The following CDH18 variants were observed in gnomAD, a reference collection of about 807,000 sequenced individuals.
CDH18 encodes cadherin 18, also known as cadherin-18.
CDH18 carries 31 observed loss-of-function variants against 67.9 expected under a neutral mutation model. That is an observed-to-expected ratio of 0.46 (90% CI 0.34 to 0.62). The LOEUF (loss-of-function observed/expected upper bound fraction) is 0.62, where lower values mean the gene tolerates loss of function less well. Among genes scored for constraint, CDH18 ranks in the 20% least tolerant of loss-of-function variants. The pLI is 0.01. For synonymous variants in CDH18, 362 were observed against 347.2 expected, an observed-to-expected ratio of 1.04 and a Z score of -0.48; for missense variants, 890 against 975.5, an observed-to-expected ratio of 0.91 and a Z score of 1.17.
At chr5:19,664,635 G>A (rs1757655513) in intron 5 of CDH18, among the ~76,000 whole-genome samples, 1 of 151,886 alleles carries the variant, frequency 6.6e-6, no homozygotes. Context: ...ATTCAAATGA[G>A]TCTCCCCTAT....
At chr5:20,406,631 T>C (rs1746292026) in intron 1 of CDH18, among the ~76,000 whole-genome samples, 1 of 151,902 alleles carries the variant, frequency 6.6e-6, no homozygotes, top group Non-Finnish European at 1.5e-5. Context: ...TATTAAAAAA[T>C]AGAAACTATC....
intron 1 of CDH18, among the ~76,000 whole-genome samples, chr5:20,298,550 A>G (rs1392335645): frequency 6.6e-6 from 1 of 152,204 alleles, no homozygotes; most frequent in Non-Finnish European, 1.5e-5. Context: ...AAAAGACAAA[A>G]TGGAGACTAC....
chr5:19,555,432 T>A (rs1738218875), intron 8 of CDH18, among the ~76,000 whole-genome samples: 1 of 152,148 alleles, frequency 6.6e-6, no homozygotes, highest in Non-Finnish European at 1.5e-5. Context: ...GGGTGGGACA[T>A]GAGGGGAGTG....
At chr5:20,249,929 A>ATT (rs35922258) in intron 2 of CDH18, among the ~76,000 whole-genome samples, 10 of 150,710 alleles carry the variant, frequency 6.6e-5, no homozygotes, top group East Asian at 2.0e-4. Context: ...CACATTGGTG[A>ATT]TTTTTTTTTT....
intron 2 of CDH18, among the ~76,000 whole-genome samples, chr5:20,036,407 GA>G (rs1739865980): frequency 1.3e-5 from 2 of 151,892 alleles, no homozygotes; most frequent in Non-Finnish European, 2.9e-5. Flanking sequence ...TTAAAAAGAA[GA>G]AAAAAGAAGG....
intron 2 of CDH18, among the ~76,000 whole-genome samples, chr5:19,890,360 T>C (rs1788657660): frequency 1.3e-5 from 2 of 152,076 alleles, no homozygotes; most frequent in Admixed American, 1.3e-4. Context: ...ATCACATCTG[T>C]AAAGTACTTT....
Position 20,541,854 on chromosome 5 carries a change from A to G in CDH18, c.-580+33608T>C, listed in dbSNP as rs1429450756. ...GTAATTGTGTGGAGTGATGAAGTAC[A>G]GAGTCAATATAGTTTCAACTCCTAG... On this transcript the variant is annotated intron_variant, in intron 1 of 14. Coordinates refer to the CDH18 transcript ENST00000507958. Among the ~76,000 whole-genome samples, 4 of 152,182 alleles carry G rather than the reference A, an allele frequency of 2.6e-5. No homozygotes were observed. In the South Asian group the frequency reaches 6.2e-4, roughly 24 times the overall value.
intron 1 of CDH18, among the ~76,000 whole-genome samples, chr5:20,323,036 A>G (rs1343416097): frequency 6.6e-6 from 1 of 152,170 alleles, no homozygotes; most frequent in African/African-American, 2.4e-5. Flanking sequence ...TTAAAATGAT[A>G]TGACCTGGAT....
intron 2 of CDH18, among the ~76,000 whole-genome samples, chr5:19,946,329 T>C (rs1047656909): frequency 1.3e-5 from 2 of 152,036 alleles, no homozygotes; most frequent in African/African-American, 4.8e-5. Context: ...TTGCTCTCAG[T>C]AGATCTACCA....
chr5:20,493,489 T>C (rs569763237), intron 1 of CDH18, among the ~76,000 whole-genome samples: 3 of 151,550 alleles, frequency 2.0e-5, no homozygotes, highest in Admixed American at 2.0e-4. Flanking sequence ...TATTCAGAGC[T>C]TGCTATAGGA....
At chr5:20,157,367 C>A (rs945210825) in intron 2 of CDH18, among the ~76,000 whole-genome samples, 9 of 151,994 alleles carry the variant, frequency 5.9e-5, no homozygotes, top group African/African-American at 1.7e-4. Flanking sequence ...CAATGGAATG[C>A]GAGTGGACTA....
chr5:19,711,375 G>A (rs1015673441), intron 5 of CDH18, among the ~76,000 whole-genome samples: 7 of 151,598 alleles, frequency 4.6e-5, no homozygotes, highest in Non-Finnish European at 8.8e-5. Context: ...AATCTACAAC[G>A]AATGCATACA....
intron 2 of CDH18, among the ~76,000 whole-genome samples, chr5:20,068,316 A>G (rs1391327778): frequency 6.6e-6 from 1 of 152,148 alleles, no homozygotes; most frequent in Non-Finnish European, 1.5e-5. Context: ...AAAAAGGTAA[A>G]GACAATGAAA....
At chr5:19,682,962 T>C (rs558337089) in intron 5 of CDH18, among the ~76,000 whole-genome samples, 1 of 152,234 alleles carries the variant, frequency 6.6e-6, no homozygotes, top group Admixed American at 6.6e-5. Flanking sequence ...ACATGTATTA[T>C]TCATCATATC....
chr5:20,211,490 C>T (rs1740351856), intron 2 of CDH18, among the ~76,000 whole-genome samples: 1 of 152,140 alleles, frequency 6.6e-6, no homozygotes, highest in African/African-American at 2.4e-5. Flanking sequence ...GAGACACCTC[C>T]AACTAGAGGC....
intron 2 of CDH18, among the ~76,000 whole-genome samples, chr5:19,961,100 A>G (rs1314763961): frequency 9.1e-6 from 1 of 109,720 alleles, no homozygotes; most frequent in Non-Finnish European, 1.9e-5. Context: ...CTACATTATA[A>G]TTTTTTTTTT....
chr5:19,883,576 C>T (rs1479281897), intron 2 of CDH18, among the ~76,000 whole-genome samples: 1 of 151,558 alleles, frequency 6.6e-6, no homozygotes, highest in African/African-American at 2.4e-5. Context: ...GTGAGTTTCT[C>T]TTTTATATTT....
At chr5:19,592,997 A>T (rs754341247) in intron 6 of CDH18, among the ~76,000 whole-genome samples, 1 of 152,110 alleles carries the variant, frequency 6.6e-6, no homozygotes, top group African/African-American at 2.4e-5. Context: ...TGCGTATTGC[A>T]AGATCTCTTT....
intron 2 of CDH18, among the ~76,000 whole-genome samples, chr5:19,857,424 G>A (rs1411140303): frequency 6.6e-6 from 1 of 152,026 alleles, no homozygotes; most frequent in East Asian, 1.9e-4. Context: ...TATAAATGAT[G>A]ATAAATAGCT....
Sources: allele counts gnomAD v4.1 joint callset (sites outside exome capture counted in the v4.1 genomes callset), GRCh38; gene constraint gnomAD v4.1.1; transcripts MANE v1.5; gene names NCBI Gene and HGNC (gene_info 2026-07-23, HGNC 2026-07-21).